TASP1: variants seen among roughly 807,000 people sequenced by gnomAD.
TASP1 encodes the protein threonine aspartase 1.
A neutral mutation model predicts 56.6 loss-of-function variants in TASP1; 16 were observed. The ratio of observed to expected loss-of-function variants is 0.28; its 90% CI spans 0.19 to 0.43. The LOEUF (loss-of-function observed/expected upper bound fraction) is 0.43, where lower values mean the gene tolerates loss of function less well. TASP1 is among the 20% of genes least tolerant of loss of function. The probability of loss-of-function intolerance (pLI) is 1.00; values close to 1 mark genes in which losing one functional copy is unlikely to be tolerated. For missense variants in TASP1, 393 were observed against 511.6 expected (o/e 0.77, Z 2.24); for synonymous variants, 179 against 184.2 (o/e 0.97, Z 0.23).
the TASP1 span, among the ~76,000 whole-genome samples, chr20:13,333,456 A>G: frequency 0.25 from 37,301 of 152,152 alleles, 6,909 homozygotes; most frequent in African/African-American, 0.51. Flanking sequence ...CAAATATTTT[A>G]GGGAAAGGTC....
At chr20:13,139,490 A>G in the TASP1 span, among the ~76,000 whole-genome samples, 1 of 152,208 alleles carries the variant, frequency 6.6e-6, no homozygotes, top group Non-Finnish European at 1.5e-5. Flanking sequence ...TAGCTCCTCC[A>G]GCTTCAATGT....
chr20:13,430,907 A>G (rs926095118), intron 12 of TASP1, among the ~76,000 whole-genome samples: 2 of 152,182 alleles, frequency 1.3e-5, no homozygotes, highest in Non-Finnish European at 2.9e-5. Context: ...AGCTCTGATA[A>G]CTAATGTATT....
chr20:13,181,896 G>A, the TASP1 span, among the ~76,000 whole-genome samples: 2 of 152,304 alleles, frequency 1.3e-5, no homozygotes, highest in Non-Finnish European at 2.9e-5. Flanking sequence ...GCTCAATAAT[G>A]TGAAGTAGTA....
chr20:13,479,065 GAAGA>G (rs1476178149), intron 11 of TASP1, among the ~76,000 whole-genome samples: 1 of 152,084 alleles, frequency 6.6e-6, no homozygotes, highest in Non-Finnish European at 1.5e-5. Flanking sequence ...TAAAATGATG[GAAGA>G]AAGAAAGAAA....
intron 11 of TASP1, among the ~76,000 whole-genome samples, chr20:13,469,550 G>C (rs1307220351): frequency 6.6e-6 from 1 of 151,864 alleles, no homozygotes; most frequent in Non-Finnish European, 1.5e-5. Flanking sequence ...TTTCCTATTT[G>C]TAAGAAGAAA....
At chr20:13,442,335 A>C (rs1444715344) in intron 11 of TASP1, among the ~76,000 whole-genome samples, 1 of 151,946 alleles carries the variant, frequency 6.6e-6, no homozygotes, top group Admixed American at 6.6e-5. Context: ...ACTCCTGCCT[A>C]CATCACTGAA....
At chr20:13,198,859 C>CT in the TASP1 span, among the ~76,000 whole-genome samples, 68 of 109,724 alleles carry the variant, frequency 6.2e-4, no homozygotes, top group Non-Finnish European at 9.9e-4. Context: ...TCTTTCTTTC[C>CT]TTCCTTCCTT....
the TASP1 span, among the ~76,000 whole-genome samples, chr20:13,280,935 A>G: frequency 1.3e-4 from 20 of 152,342 alleles, no homozygotes; most frequent in African/African-American, 4.8e-4. Context: ...CTTCACCATC[A>G]GTGGACTTTG....
the TASP1 span, among the ~76,000 whole-genome samples, chr20:13,112,137 G>A: frequency 1.3e-5 from 2 of 152,214 alleles, no homozygotes; most frequent in African/African-American, 2.4e-5. Context: ...CCACGCTACC[G>A]TGGGTTGTGT....
intron 6 of TASP1, among the ~76,000 whole-genome samples, chr20:13,575,697 G>A (rs1456147524): frequency 6.6e-6 from 1 of 152,156 alleles, no homozygotes; most frequent in Non-Finnish European, 1.5e-5. Context: ...AAGAGCATCT[G>A]TGATTAACCT....
chr20:13,199,826 C>T, the TASP1 span, among the ~76,000 whole-genome samples: 4 of 152,178 alleles, frequency 2.6e-5, no homozygotes, highest in Admixed American at 6.5e-5. Context: ...TCATGGCTTG[C>T]ACTTTATTTC....
intron 10 of TASP1, among the ~76,000 whole-genome samples, chr20:13,504,839 A>G (rs967281071): frequency 2.6e-5 from 4 of 152,156 alleles, no homozygotes; most frequent in Admixed American, 1.3e-4. Flanking sequence ...AAAGCAAAAG[A>G]GCATGACATT....
At chr20:13,585,481 T>C (rs965908161) in intron 5 of TASP1, among the ~76,000 whole-genome samples, 8 of 152,084 alleles carry the variant, frequency 5.3e-5, no homozygotes, top group African/African-American at 7.2e-5. Context: ...ATATTTAAAA[T>C]ACTCCAACAA....
the TASP1 span, among the ~76,000 whole-genome samples, chr20:13,343,669 T>C: frequency 6.7e-6 from 1 of 150,210 alleles, no homozygotes; most frequent in South Asian, 2.1e-4. Flanking sequence ...TGTCCTGTGA[T>C]GTGGAGCTCC....
chr20:13,330,059 C>G, the TASP1 span, among the ~76,000 whole-genome samples: 1 of 151,940 alleles, frequency 6.6e-6, no homozygotes, highest in Admixed American at 6.6e-5. Flanking sequence ...TAAATTCAAG[C>G]AATTCTCCTG....
At chr20:13,470,851 C>A (rs1272190986) in intron 11 of TASP1, among the ~76,000 whole-genome samples, 1 of 152,130 alleles carries the variant, frequency 6.6e-6, no homozygotes, top group African/African-American at 2.4e-5. Flanking sequence ...CCTCTTAATG[C>A]CTAACCCCAA....
chr20:13,368,250 T>TATC, the TASP1 span: 7 of 152,312 alleles, frequency 4.6e-5, no homozygotes, highest in South Asian at 1.5e-3. Flanking sequence ...GTCCTGGTGT[T>TATC]ATCATAGGCA....
chr20:13,111,605 G>A, the TASP1 span, among the ~76,000 whole-genome samples: 2 of 152,166 alleles, frequency 1.3e-5, no homozygotes, highest in South Asian at 2.1e-4. Context: ...ACTCTGGGCT[G>A]TCATAACCTC....
the TASP1 span, among the ~76,000 whole-genome samples, chr20:13,149,190 T>G: frequency 6.6e-6 from 1 of 152,326 alleles, no homozygotes; most frequent in South Asian, 2.1e-4. Flanking sequence ...GTAGGGACTT[T>G]CCCTGACTTC....
Sources: allele counts gnomAD v4.1 joint callset (sites outside exome capture counted in the v4.1 genomes callset), GRCh38; gene constraint gnomAD v4.1.1; transcripts MANE v1.5; gene names NCBI Gene and HGNC (gene_info 2026-07-23, HGNC 2026-07-21).